Variants in RNF150 observed in about 807,000 individuals in gnomAD.
The protein encoded by RNF150 is ring finger protein 150.
RNF150 carries 24 observed loss-of-function variants against 39.3 expected under a neutral mutation model. The observed-to-expected ratio is 0.61, with a 90% CI of 0.44 to 0.86. The LOEUF (loss-of-function observed/expected upper bound fraction) is 0.86. Among genes scored for constraint, RNF150 ranks in the 40% least tolerant of loss-of-function variants. The pLI is 0.00. For missense variants in RNF150, 502 were observed against 587.8 expected, an observed-to-expected ratio of 0.85 and a Z score of 1.51; for synonymous variants, 255 against 227.3, an observed-to-expected ratio of 1.12 and a Z score of -1.10.
chr4:141,124,762 T>C (rs1188295517), intron 1 of RNF150, among the ~76,000 whole-genome samples: 3 of 152,304 alleles, frequency 2.0e-5, no homozygotes, highest in Non-Finnish European at 2.9e-5. Context: ...CAGACAGAAA[T>C]GGTTAAGAAA....
chr4:141,036,094 A>C (rs928298597), intron 1 of RNF150, among the ~76,000 whole-genome samples: 1 of 152,218 alleles, frequency 6.6e-6, no homozygotes, highest in Non-Finnish European at 1.5e-5. Context: ...TCAAAAGTAC[A>C]TAAATGTGAC....
chr4:141,083,770 C>CTAT (rs1738249115), intron 1 of RNF150, among the ~76,000 whole-genome samples: 2 of 151,910 alleles, frequency 1.3e-5, no homozygotes, highest in African/African-American at 4.8e-5. Context: ...CACAAAGCTA[C>CTAT]GTGGTTCAAA....
intron 5 of RNF150, among the ~76,000 whole-genome samples, chr4:140,913,362 G>C (rs1004742996): frequency 6.6e-6 from 1 of 152,176 alleles, no homozygotes; most frequent in African/African-American, 2.4e-5. Context: ...AGATGCTCAA[G>C]AGCCTGGCCC....
At chr4:141,047,117 C>T (rs1418622616) in intron 1 of RNF150, among the ~76,000 whole-genome samples, 3 of 152,096 alleles carry the variant, frequency 2.0e-5, no homozygotes, top group African/African-American at 7.2e-5. Context: ...AGGACTAATG[C>T]ACATGTGTGT....
chr4:140,963,339 C>T (rs972486141), intron 2 of RNF150, among the ~76,000 whole-genome samples: 1 of 152,136 alleles, frequency 6.6e-6, no homozygotes, highest in Admixed American at 6.6e-5. Flanking sequence ...AATTCCAGTG[C>T]TATTTAAAAT....
At chr4:141,096,239 C>G (rs1282280897) in intron 1 of RNF150, among the ~76,000 whole-genome samples, 3 of 140,164 alleles carry the variant, frequency 2.1e-5, no homozygotes, top group African/African-American at 8.3e-5. Context: ...CTCTGTCACC[C>G]AGGCTGGAGT....
chr4:140,957,148 C>T (rs1230538885), intron 2 of RNF150, among the ~76,000 whole-genome samples: 1 of 151,566 alleles, frequency 6.6e-6, no homozygotes, highest in African/African-American at 2.4e-5. Flanking sequence ...ATTTTCGCAA[C>T]CTACTCATCT....
At chr4:140,933,327 C>A (rs1731722943) in intron 4 of RNF150, among the ~76,000 whole-genome samples, 1 of 152,146 alleles carries the variant, frequency 6.6e-6, no homozygotes, top group Non-Finnish European at 1.5e-5. Flanking sequence ...ATTTACATAA[C>A]TCAACATATA....
rs1224134089 is a variant in RNF150, at chr4:140,863,131, T to C, written c.*5130A>G. ...ACTTACGATGAGCAAGCACTTGTGC[T>C]AAGTAGTTAGGAAGAATGGGCATTC... On this transcript the variant is annotated 3_prime_UTR_variant, in exon 7 of 7. Transcript: ENST00000515673. 2 of 152,180 alleles carry C rather than the reference T, an allele frequency of 1.3e-5. No homozygotes were observed. The highest frequency in any genetic ancestry group is 4.8e-5 in the African/African-American group (2 of 41,442). The allele number at this position is 152,180 out of a possible 1,614,324, so 9.4% of individuals were successfully genotyped here. A position where few individuals can be genotyped will look rare whatever the true frequency, so the allele number is the denominator to read the frequency against.
chr4:140,982,515 CTTTTT>C (rs35925074), intron 1 of RNF150, among the ~76,000 whole-genome samples: 1 of 132,920 alleles, frequency 7.5e-6, no homozygotes, highest in Non-Finnish European at 1.6e-5. Context: ...GTAGCACAGA[CTTTTT>C]TTTTTTTTTT....
At chr4:141,196,402 C>A (rs915910164) in intron 1 of RNF150, among the ~76,000 whole-genome samples, 1 of 152,126 alleles carries the variant, frequency 6.6e-6, no homozygotes, top group African/African-American at 2.4e-5. Context: ...AGGGATGATG[C>A]AAATACCAAG....
intron 1 of RNF150, among the ~76,000 whole-genome samples, chr4:141,071,673 A>C (rs1737712083): frequency 6.6e-6 from 1 of 152,158 alleles, no homozygotes; most frequent in Non-Finnish European, 1.5e-5. Context: ...TGACTCTTGA[A>C]AGGACATATG....
At chr4:141,198,618 G>C (rs1303567359) in intron 1 of RNF150, among the ~76,000 whole-genome samples, 2 of 152,182 alleles carry the variant, frequency 1.3e-5, no homozygotes, top group Non-Finnish European at 2.9e-5. Flanking sequence ...ACGTCCAGAG[G>C]ACCAGGACTA....
chr4:141,186,820 A>AT (rs1489954553), intron 1 of RNF150, among the ~76,000 whole-genome samples: 25 of 151,912 alleles, frequency 1.6e-4, no homozygotes, highest in Admixed American at 3.9e-4. Context: ...GGATTCATTG[A>AT]TTTTTTGAAG....
At chr4:140,959,764 T>G (rs914601926) in intron 2 of RNF150, among the ~76,000 whole-genome samples, 3 of 152,056 alleles carry the variant, frequency 2.0e-5, no homozygotes, top group African/African-American at 7.2e-5. Flanking sequence ...GAAGGCAAGG[T>G]GTAAGGCAAG....
chr4:141,037,124 T>C lies in RNF150; in HGVS notation c.485-69251A>G, dbSNP rs1173510888. The stretch of plus-strand genomic sequence containing the variant: ...GATCGTAGATTGTAGAAGAAAATTA[T>C]AGATGGCTTATTTATTCTAAAGGAC... On this transcript the variant is annotated intron_variant, in intron 1 of 6. Coordinates refer to ENST00000515673, the MANE Select transcript of RNF150 (RefSeq NM_020724.2). 1.1e-4 allele frequency among the ~76,000 whole-genome samples: 17 copies of C among 152,350 alleles called. No individual in the cohort carries two copies. The South Asian group carries it at 1.7e-3, about 15-fold the overall frequency.
intron 1 of RNF150, among the ~76,000 whole-genome samples, chr4:140,977,893 T>A (rs1457572650): frequency 6.6e-6 from 1 of 152,124 alleles, no homozygotes; most frequent in East Asian, 1.9e-4. Flanking sequence ...CCAAAGTGTG[T>A]TCTATCCGCT....
intron 6 of RNF150, among the ~76,000 whole-genome samples, chr4:140,877,444 A>C (rs1434142527): frequency 6.6e-6 from 1 of 152,252 alleles, no homozygotes; most frequent in Non-Finnish European, 1.5e-5. Flanking sequence ...TAAAAGAGAA[A>C]GTTGCCAAAT....
In RNF150 at chr4:141,162,734, G is replaced by A. The variant is rs367804254; in HGVS notation, c.-6+50060C>T. ...AACTCCATTTCCTAGCCAAGGAAAA[G>A]CATGAGGGACTGTGCCATGAGGAAC... On this transcript the variant is annotated intron_variant, in intron 1 of 7. Transcript: ENST00000420921. Among the ~76,000 whole-genome samples the A allele has an allele frequency of 2.6e-5, 4 of 152,106 alleles. No homozygotes were observed. The South Asian group carries it at 8.3e-4, about 32-fold the overall frequency.
Sources: gnomAD v4.1 joint callset for allele counts (sites outside exome capture counted in the v4.1 genomes callset) on GRCh38, gnomAD v4.1.1 for gene constraint, MANE v1.5 for transcripts, NCBI Gene and HGNC (gene_info 2026-07-23, HGNC 2026-07-21) for gene names.